The following ZFHX3 variants were observed in gnomAD, a reference collection of about 807,000 sequenced individuals.
ZFHX3 encodes the protein zinc finger homeobox 3, also known as zinc finger homeobox protein 3.
ZFHX3 carries 42 observed loss-of-function variants against 279.1 expected under a neutral mutation model. The observed-to-expected ratio is 0.15, with a 90% CI of 0.12 to 0.19. The LOEUF (loss-of-function observed/expected upper bound fraction) is 0.19, where lower values mean the gene tolerates loss of function less well. Ranked by LOEUF, ZFHX3 falls within the 10% of genes least tolerant of loss-of-function variation. The pLI is 1.00. For synonymous variants in ZFHX3, 2,293 were observed against 1,957.8 expected (o/e 1.17, Z -4.52); for missense variants, 4,981 against 4,754.0 (o/e 1.05, Z -1.40).
At chr16:73,513,942 G>A (rs1165727925) in intron 2 of ZFHX3, among the ~76,000 whole-genome samples, 2 of 152,168 alleles carry the variant, frequency 1.3e-5, no homozygotes, top group Non-Finnish European at 1.5e-5. Context: ...TGGTAACGCA[G>A]AAGAAGGCTG....
chr16:73,495,922 C>T (rs1033691222), intron 2 of ZFHX3, among the ~76,000 whole-genome samples: 3 of 152,068 alleles, frequency 2.0e-5, no homozygotes, highest in Non-Finnish European at 2.9e-5. Flanking sequence ...CTATTCTTTC[C>T]TATTGTGGGT....
chr16:73,399,867 TAGA>T (rs1226904143), intron 3 of ZFHX3, among the ~76,000 whole-genome samples: 1 of 151,154 alleles, frequency 6.6e-6, no homozygotes, highest in Non-Finnish European at 1.5e-5. Context: ...TGTGTGTGTC[TAGA>T]TAGCAGAGGG....
chr16:72,999,140 C>T (rs1167062179), intron 1 of ZFHX3, among the ~76,000 whole-genome samples: 1 of 152,096 alleles, frequency 6.6e-6, no homozygotes, highest in Non-Finnish European at 1.5e-5. Flanking sequence ...TGAGGTGGTG[C>T]CTACACAATC....
chr16:73,044,007 C>T (rs1333903223), intron 1 of ZFHX3, among the ~76,000 whole-genome samples: 1 of 152,178 alleles, frequency 6.6e-6, no homozygotes. Context: ...CTGTGTGCTC[C>T]TTTCTCAATC....
In ZFHX3 at chr16:73,649,991, A is replaced by G. The variant is rs114046851; in HGVS notation, c.-1547+30189T>C. Among the ~76,000 whole-genome samples the G allele has an allele frequency of 5.7e-3, 868 of 152,304 alleles. 7 individuals are homozygous for G. Among genetic ancestry groups the G allele is most frequent in the African/African-American group, 0.02 (840 of 41,560 alleles). The stretch of plus-strand genomic sequence containing the variant: ...AAAAATAGTTGTATAAGGATAAACA[A>G]CTTATTTATCTGTGCGTCAGTTTAC... On this transcript the variant is annotated intron_variant, in intron 2 of 17. Coordinates refer to the ZFHX3 transcript ENST00000641206.
chr16:73,720,772 C>A (rs1186041858), intron 1 of ZFHX3, among the ~76,000 whole-genome samples: 2 of 152,152 alleles, frequency 1.3e-5, no homozygotes, highest in African/African-American at 2.4e-5. Context: ...TTTCTTTCAA[C>A]AAACGATTAC....
intron 1 of ZFHX3, among the ~76,000 whole-genome samples, chr16:72,979,303 T>C (rs138541610): frequency 6.6e-6 from 1 of 152,196 alleles, no homozygotes; most frequent in Non-Finnish European, 1.5e-5. Flanking sequence ...TCCCTCCAAC[T>C]GTTTGCCTGC....
intron 6 of ZFHX3, among the ~76,000 whole-genome samples, chr16:73,133,401 A>T (rs1966731544): frequency 6.6e-6 from 1 of 152,160 alleles, no homozygotes; most frequent in Non-Finnish European, 1.5e-5. Flanking sequence ...GAGTGCCTGT[A>T]GTCCCAGCTA....
At chr16:73,400,074 TAA>T (rs200377623) in intron 3 of ZFHX3, 23 of 134,784 alleles carry the variant, frequency 1.7e-4, no homozygotes, top group Non-Finnish European at 2.1e-4. Context: ...GTCAAATCTG[TAA>T]AAAAAAAAAA....
At chr16:72,910,429 A>G (rs1325958475) in intron 3 of ZFHX3, among the ~76,000 whole-genome samples, 1 of 152,216 alleles carries the variant, frequency 6.6e-6, no homozygotes, top group African/African-American at 2.4e-5. Flanking sequence ...GACATCTAAG[A>G]ACAAGTGATC....
chr16:73,878,972 G>A (rs1029655032), intron 1 of ZFHX3, among the ~76,000 whole-genome samples: 3 of 145,064 alleles, frequency 2.1e-5, no homozygotes, highest in African/African-American at 7.8e-5. Flanking sequence ...TATAGTTGTG[G>A]AAACATCAGT....
intron 5 of ZFHX3, among the ~76,000 whole-genome samples, chr16:73,243,632 G>A (rs549798703): frequency 1.2e-4 from 19 of 152,150 alleles, no homozygotes; most frequent in East Asian, 3.9e-4. Flanking sequence ...TCCATATGAC[G>A]GTAAAGGCTA....
At chr16:73,144,168 G>T (rs1305708179) in intron 5 of ZFHX3, 3 of 185,856 alleles carry the variant, frequency 1.6e-5, no homozygotes, top group Non-Finnish European at 2.2e-5. Flanking sequence ...TCGAACTAAA[G>T]AAATATTGGT....
At chr16:73,038,438 C>G (rs1964991211) in intron 1 of ZFHX3, among the ~76,000 whole-genome samples, 1 of 152,228 alleles carries the variant, frequency 6.6e-6, no homozygotes, top group East Asian at 1.9e-4. Context: ...AGAAAACGAC[C>G]TGACGTCATG....
chr16:73,546,716 C>CTGCTGCTGCTGCTGCTGCTGT (rs2020118296), intron 2 of ZFHX3, among the ~76,000 whole-genome samples: 1 of 121,298 alleles, frequency 8.2e-6, no homozygotes, highest in African/African-American at 3.4e-5. Context: ...GCTGCTGCTG[C>CTGCTGCTGCTGCTGCTGCTGT]TGCTGCTGCT....
At chr16:72,907,545 TTGTGTGTGTG>T (rs547618913) in intron 3 of ZFHX3, among the ~76,000 whole-genome samples, 8,389 of 120,416 alleles carry the variant, frequency 0.07, 377 homozygotes, top group Middle Eastern at 0.088. Context: ...TTTCCTCTAT[TTGTGTGTGTG>T]TGTGTGTGTG....
chr16:73,622,872 T>G (rs748908011), intron 2 of ZFHX3, among the ~76,000 whole-genome samples: 25 of 152,320 alleles, frequency 1.6e-4, no homozygotes, highest in Non-Finnish European at 3.1e-4. Flanking sequence ...CTTTCCTGTC[T>G]TGTCTTGTCG....
At chr16:73,713,790 A>T (rs986379919) in intron 1 of ZFHX3, among the ~76,000 whole-genome samples, 2 of 152,248 alleles carry the variant, frequency 1.3e-5, no homozygotes, top group South Asian at 2.1e-4. Flanking sequence ...GAGCGATACA[A>T]ATCCTGTTCA....
chr16:73,546,671 T>TTGCTGCTGCTGCTGCTGCTGC (rs57427757), intron 2 of ZFHX3, among the ~76,000 whole-genome samples: 29 of 143,524 alleles, frequency 2.0e-4, no homozygotes, highest in East Asian at 6.3e-4. Flanking sequence ...GGTGCTGCTG[T>TTGCTGCTGCTGCTGCTGCTGC]TGCTGCTGCT....
Sources: allele counts gnomAD v4.1 joint callset (sites outside exome capture counted in the v4.1 genomes callset), GRCh38; gene constraint gnomAD v4.1.1; transcripts MANE v1.5; gene names NCBI Gene and HGNC (gene_info 2026-07-23, HGNC 2026-07-21).